NUDT6: variants seen among roughly 807,000 people sequenced by gnomAD.
NUDT6 encodes the protein nudix hydrolase 6.
Under a neutral mutation model 36.8 loss-of-function variants are expected in NUDT6, and 24 were observed. The observed-to-expected ratio is 0.65, with a 90% confidence interval of 0.47 to 0.92. NUDT6 has a LOEUF of 0.92. Among genes scored for constraint, NUDT6 ranks in the 40% least tolerant of loss-of-function variants. The pLI is 0.00. For synonymous variants in NUDT6, 163 were observed against 157.0 expected (o/e 1.04, Z -0.29); for missense variants, 388 against 392.8 (o/e 0.99, Z 0.10).
chr4:122,921,439 CTAGAAAAAA>C, intron 1 of NUDT6: 1 of 151,854 alleles, frequency 6.6e-6, no homozygotes, highest in African/African-American at 2.4e-5. Context: ...GACACCGTTT[CTAGAAAAAA>C]TAGAAAAAAG....
chr4:122,901,606 T>C (rs986266873), intron 3 of NUDT6, among the ~76,000 whole-genome samples: 7 of 152,220 alleles, frequency 4.6e-5, no homozygotes, highest in African/African-American at 1.7e-4. Context: ...AATTTTCTGA[T>C]GCATTTTTTA....
At chr4:122,901,668 TAAAACCACTATTTCTTTG>T (rs1727527251) in intron 3 of NUDT6, among the ~76,000 whole-genome samples, 1 of 152,224 alleles carries the variant, frequency 6.6e-6, no homozygotes, top group Non-Finnish European at 1.5e-5. Flanking sequence ...TGTTCAAGTT[TAAAACCACTATTTCTTTG>T]AAAACTTATC....
intron 3 of NUDT6, among the ~76,000 whole-genome samples, chr4:122,906,890 A>G (rs901510924): frequency 1.3e-5 from 2 of 152,196 alleles, no homozygotes; most frequent in African/African-American, 4.8e-5. Context: ...ATTATAGTGC[A>G]TTAGCATGCT....
At chr4:122,908,718 T>C (rs1394398788) in intron 3 of NUDT6, among the ~76,000 whole-genome samples, 1 of 152,188 alleles carries the variant, frequency 6.6e-6, no homozygotes, top group Non-Finnish European at 1.5e-5. Flanking sequence ...GTCTGACTTT[T>C]CCATTAACAG....
rs748986453 is a variant in NUDT6, at chr4:122,922,562, G to T, written c.11C>A (p.Pro4Gln). Residue 4 changes from proline (P) to glutamine (Q), a missense_variant, in exon 1 of 5, where the codon CCA becomes CAA. Coordinates refer to ENST00000304430, the MANE Select transcript of NUDT6 (RefSeq NM_007083.5). ...CGCGCGCCAGCGGCCCCAGCTCAGTGGCTGCCGCATCTCCACGCCGCTTAA... is the reference window on the plus strand; with the variant it reads ...CGCGCGCCAGCGGCCCCAGCTCAGTTGCTGCCGCATCTCCACGCCGCTTAA... MRQ[P>Q]LSWGRWRAML... The T allele has an allele frequency of 1.3e-6, 2 of 1,594,658 alleles. No individual in the cohort carries two copies. The highest frequency in any genetic ancestry group is 1.7e-6 in the Non-Finnish European group (2 of 1,175,168).
chr4:122,900,054 GCCACCCCCCCCCCGGCCCCCA>G (rs1455531125), intron 3 of NUDT6, among the ~76,000 whole-genome samples: 1 of 84,156 alleles, frequency 1.2e-5, no homozygotes, highest in Non-Finnish European at 2.3e-5. Context: ...ATGCACCCCC[GCCACCCCCCCCCCGGCCCCCA>G]CCACCACTGC....
At chr4:122,904,142 A>G (rs943761081) in intron 3 of NUDT6, among the ~76,000 whole-genome samples, 1 of 152,016 alleles carries the variant, frequency 6.6e-6, no homozygotes, top group African/African-American at 2.4e-5. Flanking sequence ...GGAGTGGGGG[A>G]TTGAGGGGGT....
chr4:122,915,942 C>CA (rs1727830715), intron 2 of NUDT6, among the ~76,000 whole-genome samples: 3 of 152,220 alleles, frequency 2.0e-5, no homozygotes, highest in African/African-American at 7.2e-5. Flanking sequence ...CCTTGAAAAG[C>CA]AAACTACCTT....
At chr4:122,915,636 T>C (rs1727823109) in intron 2 of NUDT6, among the ~76,000 whole-genome samples, 1 of 152,202 alleles carries the variant, frequency 6.6e-6, no homozygotes. Context: ...CACTCTAAAC[T>C]ATAATGTACA....
chr4:122,909,068 CT>C (rs200047655), intron 3 of NUDT6, among the ~76,000 whole-genome samples: 25,547 of 146,486 alleles, frequency 0.17, 2,513 homozygotes, highest in East Asian at 0.46. Context: ...GCCATCCCAG[CT>C]TTTTTTTTTT....
chr4:122,920,527 G>C lies in NUDT6; in HGVS notation c.238+1808C>G, dbSNP rs116478997. On this transcript the variant is annotated intron_variant, in intron 1 of 4. Transcript: ENST00000304430. ...CGCATCTATCCAGTAATTAGAGCTG[G>C]CGTTATTCACAAAAAGCAAGCTAAG... 514 of 152,318 alleles carry C rather than the reference G, an allele frequency of 3.4e-3. 3 individuals carry two copies. The highest frequency in any genetic ancestry group is 0.014 in the Middle Eastern group (4 of 294). The allele number at this position is 152,318 out of a possible 1,614,324, so 9.4% of individuals were successfully genotyped here.
chr4:122,917,425 T>C (rs747200533), intron 2 of NUDT6, 76 bp downstream of exon 2: 53 of 1,177,796 alleles, frequency 4.5e-5, no homozygotes, highest in Non-Finnish European at 6.5e-5. Context: ...ATAAACTATT[T>C]GCTTAGCTGT....
At chr4:122,899,526 T>G (rs56378600) in intron 3 of NUDT6, among the ~76,000 whole-genome samples, 3,308 of 152,278 alleles carry the variant, frequency 0.022, 62 homozygotes, top group Non-Finnish European at 0.036. Flanking sequence ...CAGTAGACAG[T>G]CCTAAGCTAT....
chr4:122,910,362 G>T (rs1287868631), intron 3 of NUDT6, among the ~76,000 whole-genome samples: 1 of 152,146 alleles, frequency 6.6e-6, no homozygotes. Context: ...TGCCAGGAAA[G>T]CTCCTTTTTT....
At chr4:122,902,118 C>T (rs1232079786) in intron 3 of NUDT6, among the ~76,000 whole-genome samples, 2 of 152,122 alleles carry the variant, frequency 1.3e-5, no homozygotes, top group Non-Finnish European at 2.9e-5. Context: ...TCATTAGATA[C>T]AATATTATCA....
chr4:122,904,375 A>G (rs1365033397), intron 3 of NUDT6, among the ~76,000 whole-genome samples: 1 of 152,076 alleles, frequency 6.6e-6, no homozygotes, highest in Non-Finnish European at 1.5e-5. Context: ...CTGTTAATCT[A>G]TCTGTTGTCA....
intron 3 of NUDT6, among the ~76,000 whole-genome samples, chr4:122,898,861 A>G (rs1727445345): frequency 6.6e-6 from 1 of 152,038 alleles, no homozygotes; most frequent in Non-Finnish European, 1.5e-5. Context: ...TCTTGACAAG[A>G]TGTTGAACTT....
Position 122,922,383 on chromosome 4 carries a change from C to T in NUDT6, c.190G>A (p.Asp64Asn). ...GCAGCGTCCAGGCGGTCCAGCGCAT[C>T]GAGCCGCGCCAGGCGCACCGAGATG... ...GGISVRLARL[D>N]ALDRLDAAAF... The change falls in exon 1 of 5, where the codon GAT becomes AAT. Residue 64 changes from aspartate (D) to asparagine (N), a missense_variant. By Grantham distance (23) the Asp-to-Asn change is conservative. Transcript: ENST00000304430. 6.2e-7 allele frequency: 1 copy of T among 1,607,458 alleles called. No homozygotes were observed. The highest frequency in any genetic ancestry group is 8.5e-7 in the Non-Finnish European group (1 of 1,179,540).
chr4:122,896,024 T>G (rs563367945), intron 4 of NUDT6: 9 of 152,792 alleles, frequency 5.9e-5, no homozygotes, highest in African/African-American at 1.9e-4. Context: ...CATTTCTAGC[T>G]GCTTTCAGGG....
Sources: gnomAD v4.1 joint callset for allele counts (sites outside exome capture counted in the v4.1 genomes callset) on GRCh38, gnomAD v4.1.1 for gene constraint, MANE v1.5 for transcripts, NCBI Gene and HGNC (gene_info 2026-07-23, HGNC 2026-07-21) for gene names.